The following TRABD2A variants were observed in gnomAD, a reference collection of about 807,000 sequenced individuals.
TRABD2A encodes TraB domain containing 2A.
A neutral mutation model predicts 45.6 loss-of-function variants in TRABD2A; 43 were observed. The observed-to-expected ratio is 0.94, with a 90% confidence interval of 0.74 to 1.22. The LOEUF is 1.22. Ranked by LOEUF, TRABD2A falls within the 50% of genes most tolerant of loss-of-function variation. The pLI, the probability that TRABD2A is intolerant of heterozygous loss-of-function variation, is 0.00. For missense variants in TRABD2A, 642 were observed against 652.4 expected, an observed-to-expected ratio of 0.98 and a Z score of 0.17; for synonymous variants, 269 against 265.0, an observed-to-expected ratio of 1.02 and a Z score of -0.15.
At chr2:84,826,870 T>C (rs1681165293) in intron 5 of TRABD2A, among the ~76,000 whole-genome samples, 1 of 152,196 alleles carries the variant, frequency 6.6e-6, no homozygotes, top group Non-Finnish European at 1.5e-5. Context: ...ATTGTTGAGA[T>C]TTTTTTCAGG....
chr2:84,871,266 C>A (rs1290803662), intron 1 of TRABD2A, among the ~76,000 whole-genome samples: 1 of 152,196 alleles, frequency 6.6e-6, no homozygotes, highest in African/African-American at 2.4e-5. Context: ...CAAGGATATA[C>A]CTGATACCAT....
At chr2:84,875,536 C>T (rs1683000422) in intron 1 of TRABD2A, among the ~76,000 whole-genome samples, 1 of 152,166 alleles carries the variant, frequency 6.6e-6, no homozygotes, top group Non-Finnish European at 1.5e-5. Flanking sequence ...GGAGCTAGCC[C>T]AGGTTTTTGA....
intron 5 of TRABD2A, among the ~76,000 whole-genome samples, chr2:84,825,174 T>G (rs1209409470): frequency 6.6e-6 from 1 of 152,130 alleles, no homozygotes; most frequent in Non-Finnish European, 1.5e-5. Context: ...GGATGCGCCA[T>G]GTCTAGGGCT....
chr2:84,880,614 T>C (rs1221058375), intron 1 of TRABD2A, among the ~76,000 whole-genome samples: 1 of 152,220 alleles, frequency 6.6e-6, no homozygotes, highest in African/African-American at 2.4e-5. Flanking sequence ...GGTCCGGTAC[T>C]CCCTGGCGGA....
chr2:84,877,311 T>C (rs1001363913), intron 1 of TRABD2A, among the ~76,000 whole-genome samples: 8 of 152,104 alleles, frequency 5.3e-5, no homozygotes, highest in African/African-American at 1.9e-4. Context: ...AAAAAAATCC[T>C]TCACTACCCC....
Position 84,830,760 on chromosome 2 carries a change from C to T in TRABD2A, c.1082+1295G>A, listed in dbSNP as rs989357184. 2.0e-5 allele frequency among the ~76,000 whole-genome samples: 3 copies of T among 152,138 alleles called. No individual in the cohort carries two copies. Among genetic ancestry groups the T allele is most frequent in the Admixed American group, 6.5e-5 (1 of 15,270 alleles). ...GAAGTCCAGGATGTATCCAGGATTTCCCGCCTGAAGGGAGACTGGCAGGAG... is the reference window on the plus strand; with the variant it reads ...GAAGTCCAGGATGTATCCAGGATTTTCCGCCTGAAGGGAGACTGGCAGGAG... On this transcript the variant is annotated intron_variant, in intron 5 of 6. Transcript: ENST00000409520. The surrounding 1 kb of genome is among the most constrained non-coding windows in gnomAD (Gnocchi z 4.9).
intron 2 of TRABD2A, among the ~76,000 whole-genome samples, chr2:84,863,965 G>T (rs1465770941): frequency 6.6e-6 from 1 of 151,548 alleles, no homozygotes; most frequent in African/African-American, 2.4e-5. Flanking sequence ...CTTCCAAATC[G>T]ATCATGGAAA....
intron 4 of TRABD2A, chr2:84,836,881 A>T (rs901536427): frequency 2.7e-5 from 4 of 148,672 alleles, no homozygotes; most frequent in African/African-American, 7.5e-5. Context: ...CAGAATTCCT[A>T]TTTGGTTCTT....
At chr2:84,828,009 A>C (rs1681198970) in intron 5 of TRABD2A, among the ~76,000 whole-genome samples, 1 of 152,190 alleles carries the variant, frequency 6.6e-6, no homozygotes, top group South Asian at 2.1e-4. Flanking sequence ...GTTCTAAGCT[A>C]TTGAGTTTGT....
At chr2:84,868,162 A>G (rs537870737) in intron 2 of TRABD2A, among the ~76,000 whole-genome samples, 3 of 152,368 alleles carry the variant, frequency 2.0e-5, no homozygotes, top group African/African-American at 4.8e-5. Flanking sequence ...ACTATCCACA[A>G]TAGCAAAGAC....
intron 5 of TRABD2A, among the ~76,000 whole-genome samples, chr2:84,829,417 CCACA>C (rs1216902680): frequency 6.8e-6 from 1 of 147,982 alleles, no homozygotes; most frequent in South Asian, 2.1e-4. Flanking sequence ...ACCACACATA[CCACA>C]CACACTACAC....
Position 84,821,873 on chromosome 2 carries a change from T to C in TRABD2A, c.*44A>G, listed in dbSNP as rs746091619. 1 of 1,497,416 alleles carries C rather than the reference T, an allele frequency of 6.7e-7. No homozygotes were observed. Among genetic ancestry groups the C allele is most frequent in the Non-Finnish European group, 8.9e-7 (1 of 1,119,216 alleles). The allele number at this position is 1,497,416 out of a possible 1,614,324, so 92.8% of individuals were successfully genotyped here. On this transcript the variant is annotated 3_prime_UTR_variant, in exon 7 of 7. Transcript: ENST00000409520. The stretch of plus-strand genomic sequence containing the variant: ...ATGTGGAGTACAGGAATGGCCATTC[T>C]TCAAGTCCGAGGGGTCAGGTTCTTA...
chr2:84,858,508 A>G (rs1223898952), intron 2 of TRABD2A, among the ~76,000 whole-genome samples: 2 of 152,176 alleles, frequency 1.3e-5, no homozygotes, highest in African/African-American at 4.8e-5. Context: ...CCTTTTCCTC[A>G]TCAATCACAT....
At chr2:84,832,243 G>A in intron 4 of TRABD2A, 98 bp from the exon 5 acceptor site, 1 of 1,237,714 alleles carries the variant, frequency 8.1e-7, no homozygotes, top group South Asian at 1.3e-5. Flanking sequence ...ACCCTGCCAA[G>A]CCCCCTGCCT....
chr2:84,847,758 A>G (rs1029280137), intron 2 of TRABD2A, among the ~76,000 whole-genome samples: 1 of 152,242 alleles, frequency 6.6e-6, no homozygotes, highest in Non-Finnish European at 1.5e-5. Flanking sequence ...TAGGGCTGCC[A>G]TAACAAAATA....
In TRABD2A at chr2:84,822,101, CT is replaced by C; in HGVS notation, c.1335-2del. 6.4e-7 allele frequency: 1 copy of C among 1,560,796 alleles called. No homozygotes were observed. The highest frequency in any genetic ancestry group is 8.7e-7 in the Non-Finnish European group (1 of 1,151,210). On this transcript the variant is annotated splice_acceptor_variant, in intron 6 of 6. Transcript: ENST00000409520. LOFTEE classifies it high-confidence loss of function. ...GACCTGGAGTTGCGGGACTATGTCA[CT>C]AGGAGGCAAAGAGAAAGACAGAGTC... is the stretch of plus-strand genomic sequence containing the variant.
At chr2:84,827,156 G>C (rs1371021036) in intron 5 of TRABD2A, among the ~76,000 whole-genome samples, 1 of 152,214 alleles carries the variant, frequency 6.6e-6, no homozygotes, top group Non-Finnish European at 1.5e-5. Flanking sequence ...TCACAGTTTA[G>C]CTAAACTTCT....
chr2:84,849,407 T>C (rs1210647263), intron 2 of TRABD2A: 3 of 152,270 alleles, frequency 2.0e-5, no homozygotes, highest in Admixed American at 2.0e-4. Context: ...ACATAAACCT[T>C]GGCATGATCT....
intron 4 of TRABD2A, among the ~76,000 whole-genome samples, chr2:84,838,487 T>A (rs1681592583): frequency 6.6e-6 from 1 of 152,180 alleles, no homozygotes; most frequent in African/African-American, 2.4e-5. Context: ...CAACCCCCTA[T>A]CTTACTGGTA....
Sources: gnomAD v4.1 joint callset for allele counts (sites outside exome capture counted in the v4.1 genomes callset) on GRCh38, gnomAD v4.1.1 for gene constraint, Gnocchi (gnomAD v3.1) non-coding constraint, MANE v1.5 for transcripts, NCBI Gene and HGNC (gene_info 2026-07-23, HGNC 2026-07-21) for gene names.